SLC25A38: variants seen among roughly 807,000 people sequenced by gnomAD.
The protein encoded by SLC25A38 is mitochondrial glycine transporter.
SLC25A38 carries 27 observed loss-of-function variants against 33.4 expected under a neutral mutation model. That is an observed-to-expected ratio of 0.81 (90% CI 0.60 to 1.11). The LOEUF is 1.11. SLC25A38 is among the 50% of genes most tolerant of loss of function. SLC25A38 has a pLI of 0.00. For synonymous variants in SLC25A38, 123 were observed against 145.9 expected (o/e 0.84, Z 1.13); for missense variants, 344 against 388.8 (o/e 0.88, Z 0.97).
chr3:39,383,722 C>T lies in SLC25A38; in HGVS notation c.-3C>T. On this transcript the variant is annotated 5_prime_UTR_variant, in exon 1 of 7. Transcript: ENST00000650617. ...CCCAGAGGACTCGCGGGCCTCATCT[C>T]CAATGATTCAGAACTCACGTCCGTC... is the stretch of plus-strand genomic sequence containing the variant. The T allele has an allele frequency of 6.2e-7, 1 of 1,614,122 alleles. No individual in the cohort carries two copies. The highest frequency in any genetic ancestry group is 2.2e-5 in the East Asian group (1 of 44,876).
At chr3:39,391,818 C>G (rs753361815) in intron 4 of SLC25A38, 35 bp from the exon 5 acceptor site, 1 of 1,612,736 alleles carries the variant, frequency 6.2e-7, no homozygotes, top group Non-Finnish European at 8.5e-7. Context: ...TGCAGCGCCT[C>G]CATGCGAGTC....
intron 1 of SLC25A38, among the ~76,000 whole-genome samples, chr3:39,387,495 T>C (rs2041719161): frequency 6.6e-6 from 1 of 152,084 alleles, no homozygotes; most frequent in Admixed American, 6.5e-5. Flanking sequence ...GCAGCAGGCA[T>C]GGTGAGTTTT....
intron 6 of SLC25A38, among the ~76,000 whole-genome samples, chr3:39,395,661 C>T (rs1391620982): frequency 1.3e-5 from 2 of 151,656 alleles, no homozygotes; most frequent in Non-Finnish European, 2.9e-5. Context: ...GAAGAGAGGG[C>T]CACCAAGAGC....
chr3:39,388,672 GGAA>G (rs1452621463), intron 1 of SLC25A38, among the ~76,000 whole-genome samples: 5 of 152,098 alleles, frequency 3.3e-5, no homozygotes, highest in Non-Finnish European at 7.3e-5. Flanking sequence ...TTAGGGAAGG[GGAA>G]GAAGGTCACT....
Position 39,383,738 on chromosome 3 carries a change from C to G in SLC25A38, c.14C>G (p.Ser5Ter), listed in dbSNP as rs1245684154. The change falls in exon 1 of 7, where the codon TCA (serine) becomes TGA (stop). Residue 5 changes from serine (S) to a stop codon, truncating the protein, a stop_gained. Coordinates refer to ENST00000650617, the MANE Select transcript of SLC25A38 (RefSeq NM_017875.4). LOFTEE classifies it high-confidence loss of function. MIQN[S>*]RPSLLQPQDV... ...GCCTCATCTCCAATGATTCAGAACT[C>G]ACGTCCGTCGCTGCTGCAACCCCAA... 14 of 1,614,194 alleles carry G rather than the reference C, an allele frequency of 8.7e-6. No homozygotes were observed. Among genetic ancestry groups the G allele is most frequent in the African/African-American group, 2.7e-5 (2 of 75,072 alleles).
At chr3:39,391,287 C>T (rs1452153445) in intron 3 of SLC25A38, among the ~76,000 whole-genome samples, 154 bp from the exon 4 acceptor site, 2 of 152,236 alleles carry the variant, frequency 1.3e-5, no homozygotes, top group African/African-American at 4.8e-5. Flanking sequence ...TCTCTCCTAT[C>T]TCATGTCCCC....
intron 6 of SLC25A38, among the ~76,000 whole-genome samples, chr3:39,395,301 G>A (rs542548570): frequency 3.3e-5 from 5 of 152,244 alleles, no homozygotes; most frequent in East Asian, 1.9e-4. Flanking sequence ...GGCTGGGTGC[G>A]GTGGCTCATG....
intron 2 of SLC25A38, 80 bp from the exon 3 acceptor site, chr3:39,390,343 G>C: frequency 7.3e-7 from 1 of 1,377,940 alleles, no homozygotes; most frequent in Non-Finnish European, 1.0e-6. Flanking sequence ...TATAAAGGAA[G>C]TGTTTGAGTG....
chr3:39,385,330 T>G (rs922277363), intron 1 of SLC25A38, among the ~76,000 whole-genome samples: 4 of 152,096 alleles, frequency 2.6e-5, no homozygotes, highest in African/African-American at 9.7e-5. Context: ...GCTCAATAAC[T>G]TGAGCCAATA....
chr3:39,396,256 C>T (rs1406458348), intron 6 of SLC25A38, 142 bp from the exon 7 acceptor site: 1 of 1,364,772 alleles, frequency 7.3e-7, no homozygotes, highest in Non-Finnish European at 1.0e-6. Flanking sequence ...TCTCCTTGGA[C>T]CCATTATTCT....
chr3:39,396,706 T>A lies in SLC25A38; in HGVS notation c.*186T>A, dbSNP rs1406155487. ...ATGGACCTGATTTCAGCCTTCAGAA[T>A]CTCCAAAAGAGGAGTCATCAATTCA... On this transcript the variant is annotated 3_prime_UTR_variant, in exon 7 of 7. Transcript: ENST00000650617. The A allele has an allele frequency of 1.1e-6, 1 of 908,382 alleles. No individual in the cohort carries two copies. The highest frequency in any genetic ancestry group is 1.6e-5 in the African/African-American group (1 of 60,650). The allele number at this position is 908,382 out of a possible 1,614,324, so 56.3% of individuals were successfully genotyped here.
At position 39,396,750 on chromosome 3, in the gene SLC25A38, T is replaced by C; in HGVS notation, c.*230T>C. 1.6e-6 allele frequency: 1 copy of C among 630,160 alleles called. No individual in the cohort carries two copies. The highest frequency in any genetic ancestry group is 2.7e-6 in the Non-Finnish European group (1 of 365,438). The allele number at this position is 630,160 out of a possible 1,614,324, so 39.0% of individuals were successfully genotyped here. On this transcript the variant is annotated 3_prime_UTR_variant, in exon 7 of 7. Transcript: ENST00000650617. ...CAATTCATAGAGCACACTAGGGTGT[T>C]AGGAGAGAGCTTTGCATACTCTGAG...
chr3:39,392,741 G>T lies in SLC25A38; in HGVS notation c.625+720G>T, dbSNP rs2041786279. ...ATTTGAGCAAGGAATTGCAACCAAG[G>T]TCCTTTAATTAGGAATGTCAGCATG... On this transcript the variant is annotated intron_variant, in intron 5 of 6. Coordinates refer to ENST00000650617, the MANE Select transcript of SLC25A38 (RefSeq NM_017875.4). Among the ~76,000 whole-genome samples, 3 of 152,134 alleles carry T rather than the reference G, an allele frequency of 2.0e-5. No homozygotes were observed. The South Asian group carries it at 6.2e-4, about 31-fold the overall frequency.
At chr3:39,396,337 G>C in intron 6 of SLC25A38, 61 bp from the exon 7 acceptor site, 1 of 1,613,058 alleles carries the variant, frequency 6.2e-7, no homozygotes, top group South Asian at 1.1e-5. Flanking sequence ...GTGGTACCAA[G>C]TGGATAATTA....
intron 5 of SLC25A38, 99 bp from the exon 6 acceptor site, chr3:39,394,311 C>T: frequency 2.1e-6 from 3 of 1,451,834 alleles, no homozygotes; most frequent in Non-Finnish European, 2.9e-6. Flanking sequence ...TGAATCCAGA[C>T]CTTTCTTGGT....
Position 39,391,838 on chromosome 3 carries a change from G to C in SLC25A38, c.457-15G>C, listed in dbSNP as rs200835440. ...CGCCTCCATGCGAGTCACTGGTTCT[G>C]TGCTCTCTTTGCAGAGTGGGAAATA... On this transcript the variant is annotated splice_polypyrimidine_tract_variant and intron_variant, in intron 4 of 6. Coordinates refer to ENST00000650617, the MANE Select transcript of SLC25A38 (RefSeq NM_017875.4). 1 of 1,613,022 alleles carries C rather than the reference G, an allele frequency of 6.2e-7. No homozygotes were observed. The highest frequency in any genetic ancestry group is 1.3e-5 in the African/African-American group (1 of 75,014).
intron 1 of SLC25A38, chr3:39,384,646 T>A: frequency 5.0e-6 from 2 of 398,550 alleles, no homozygotes; most frequent in Non-Finnish European, 8.8e-6. Flanking sequence ...GATAGTTTTT[T>A]CAGGGCAGTA....
At position 39,389,678 on chromosome 3, in the gene SLC25A38, T is replaced by C. The variant is rs2041740391; in HGVS notation, c.191+62T>C. Reference sequence around the variant, plus strand: ...AACTTCTCAGACACAGGAACATCTTTACTGTGTTAAGTCAACTTCCATTCT... The same window carrying C: ...AACTTCTCAGACACAGGAACATCTTCACTGTGTTAAGTCAACTTCCATTCT... On this transcript the variant is annotated intron_variant, in intron 2 of 6. Coordinates refer to ENST00000650617, the MANE Select transcript of SLC25A38 (RefSeq NM_017875.4). This position sits in a 1 kb window ranked among gnomAD's most constrained non-coding sequence, Gnocchi z 4.5. The C allele has an allele frequency of 1.2e-5, 19 of 1,613,302 alleles. No individual in the cohort carries two copies. In the South Asian group the frequency reaches 1.8e-4, roughly 15 times the overall value.
chr3:39,383,753 T>A lies in SLC25A38; in HGVS notation c.29T>A (p.Leu10Gln), dbSNP rs1456926924. 2 of 1,614,144 alleles carry A rather than the reference T, an allele frequency of 1.2e-6. No homozygotes were observed. The highest frequency in any genetic ancestry group is 2.2e-5 in the South Asian group (2 of 91,088). Reference sequence around the variant, plus strand: ...ATTCAGAACTCACGTCCGTCGCTGCTGCAACCCCAAGATGTCGGAGACACG... The same window carrying A: ...ATTCAGAACTCACGTCCGTCGCTGCAGCAACCCCAAGATGTCGGAGACACG... Reference protein sequence around the residue: MIQNSRPSLLQPQDVGDTVE... With the variant: MIQNSRPSLQQPQDVGDTVE... Residue 10 changes from leucine (L) to glutamine (Q), a missense_variant, in exon 1 of 7, where the codon CTG becomes CAG. Physicochemically the swap from Leu to Gln is moderately radical, Grantham distance 113. Around this residue, in one of 2 missense-constraint regions of SLC25A38, gnomAD observed 269 missense variants for 271.8 expected, o/e 0.99. Transcript: ENST00000650617.
Sources: allele counts gnomAD v4.1 joint callset (sites outside exome capture counted in the v4.1 genomes callset), GRCh38; gene constraint gnomAD v4.1.1; regional missense constraint gnomAD v4.1.1; non-coding constraint Gnocchi (gnomAD v3.1); transcripts MANE v1.5; gene names NCBI Gene and HGNC (gene_info 2026-07-23, HGNC 2026-07-21).